Variants in RGS7 observed in about 807,000 individuals in gnomAD.
RGS7 encodes regulator of G protein signaling 7, also known as regulator of G-protein signaling 7.
In RGS7, 27 loss-of-function variants were observed where a neutral mutation model predicts 81.1. That is an observed-to-expected ratio of 0.33 (90% CI 0.25 to 0.46). The LOEUF (loss-of-function observed/expected upper bound fraction) is 0.46. RGS7 is among the 20% of genes least tolerant of loss of function. RGS7 has a pLI of 1.00. For missense variants in RGS7, 396 were observed against 607.4 expected, an observed-to-expected ratio of 0.65 and a Z score of 3.66; for synonymous variants, 208 against 207.7, an observed-to-expected ratio of 1.00 and a Z score of -0.01.
chr1:240,935,721 G>A (rs1034166644), intron 5 of RGS7, among the ~76,000 whole-genome samples: 2 of 152,096 alleles, frequency 1.3e-5, no homozygotes, highest in African/African-American at 2.4e-5. Context: ...CAAATTTTAG[G>A]TACTCTGATT....
At chr1:240,784,898 C>T (rs565548747) in intron 18 of RGS7, among the ~76,000 whole-genome samples, 1 of 152,142 alleles carries the variant, frequency 6.6e-6, no homozygotes, top group East Asian at 1.9e-4. Flanking sequence ...ACCAGATGCT[C>T]AACCCCACAG....
At chr1:240,866,247 C>G (rs903097990) in intron 9 of RGS7, among the ~76,000 whole-genome samples, 32 of 152,200 alleles carry the variant, frequency 2.1e-4, no homozygotes, top group African/African-American at 7.7e-4. Flanking sequence ...CGCGGTTGCT[C>G]ACGCCTGTAA....
chr1:240,790,465 T>C (rs576939931), intron 18 of RGS7, among the ~76,000 whole-genome samples: 1 of 152,240 alleles, frequency 6.6e-6, no homozygotes, highest in African/African-American at 2.4e-5. Context: ...CCAGCCAATG[T>C]AGAGATTTTA....
chr1:241,134,948 C>T lies in RGS7; in HGVS notation c.79-36186G>A, dbSNP rs1267757190. ...AGACACCTACCCCGGCCGGAAGACA[C>T]CTACCCTGGCCGGAAGACACCTACC... is the stretch of plus-strand genomic sequence containing the variant. On this transcript the variant is annotated intron_variant, in intron 2 of 18. Coordinates refer to ENST00000440928, the MANE Select transcript of RGS7 (RefSeq NM_001364886.1). 2.0e-5 allele frequency among the ~76,000 whole-genome samples: 3 copies of T among 150,472 alleles called. No homozygotes were observed. In the East Asian group the frequency reaches 6.6e-4, roughly 33 times the overall value.
chr1:240,778,756 T>C (rs893235691), intron 18 of RGS7, among the ~76,000 whole-genome samples: 1 of 152,194 alleles, frequency 6.6e-6, no homozygotes, highest in Admixed American at 6.5e-5. Flanking sequence ...ATGGTCTCGA[T>C]CTCTTGACCT....
At chr1:241,145,769 A>T (rs1433521065) in intron 2 of RGS7, among the ~76,000 whole-genome samples, 1 of 152,170 alleles carries the variant, frequency 6.6e-6, no homozygotes, top group Admixed American at 6.5e-5. Context: ...TAAATAAATT[A>T]AATAATAAAT....
chr1:240,934,256 A>G (rs538043466), intron 5 of RGS7, among the ~76,000 whole-genome samples: 24 of 152,300 alleles, frequency 1.6e-4, no homozygotes, highest in African/African-American at 5.5e-4. Context: ...CACTGCGCCC[A>G]GCCTAGATTC....
intron 4 of RGS7, among the ~76,000 whole-genome samples, chr1:240,963,100 C>T (rs932424043): frequency 5.3e-5 from 8 of 152,028 alleles, no homozygotes; most frequent in Admixed American, 3.9e-4. Flanking sequence ...AAAACAGTGG[C>T]AGTTCCTAGT....
chr1:240,863,234 G>T (rs1462538928), intron 9 of RGS7, among the ~76,000 whole-genome samples: 2 of 152,178 alleles, frequency 1.3e-5, no homozygotes, highest in Non-Finnish European at 2.9e-5. Context: ...AGCACTTTGG[G>T]AGGCTGAGGC....
chr1:241,236,038 T>C (rs991804620), intron 2 of RGS7, among the ~76,000 whole-genome samples: 1 of 152,086 alleles, frequency 6.6e-6, no homozygotes, highest in Non-Finnish European at 1.5e-5. Flanking sequence ...TGTTCACATG[T>C]TTTTAAAGTC....
intron 9 of RGS7, among the ~76,000 whole-genome samples, chr1:240,841,074 G>T (rs1657879605): frequency 1.3e-5 from 2 of 152,260 alleles, no homozygotes; most frequent in South Asian, 4.1e-4. Flanking sequence ...CAATTCTTCA[G>T]TTAGCCTTAA....
chr1:240,802,096 A>T (rs1254809335), intron 16 of RGS7, among the ~76,000 whole-genome samples: 1 of 152,188 alleles, frequency 6.6e-6, no homozygotes. Context: ...ACTACAAAGT[A>T]TCCATTTCTA....
chr1:241,308,599 G>A (rs1357368410), intron 2 of RGS7, among the ~76,000 whole-genome samples: 3 of 152,192 alleles, frequency 2.0e-5, no homozygotes, highest in Non-Finnish European at 2.9e-5. Flanking sequence ...GCTGCTGAGT[G>A]TTCTTCGCAG....
intron 3 of RGS7, among the ~76,000 whole-genome samples, chr1:241,066,545 C>A (rs1018822235): frequency 6.6e-6 from 1 of 152,174 alleles, no homozygotes; most frequent in African/African-American, 2.4e-5. Context: ...CAATTAGCAA[C>A]ACTGTGTGCT....
At chr1:240,826,118 C>A (rs1692767861) in intron 10 of RGS7, among the ~76,000 whole-genome samples, 1 of 152,164 alleles carries the variant, frequency 6.6e-6, no homozygotes, top group South Asian at 2.1e-4. Flanking sequence ...GAGAGACAGA[C>A]CAGACAGGCT....
intron 6 of RGS7, among the ~76,000 whole-genome samples, chr1:240,925,836 G>T (rs139729811): frequency 6.6e-6 from 1 of 152,254 alleles, no homozygotes; most frequent in African/African-American, 2.4e-5. Flanking sequence ...GTGTGAGATC[G>T]TATATCATTG....
At chr1:241,121,735 T>TTTTTTAG (rs2066274745) in intron 2 of RGS7, among the ~76,000 whole-genome samples, 1 of 144,624 alleles carries the variant, frequency 6.9e-6, no homozygotes, top group Non-Finnish European at 1.5e-5. Flanking sequence ...TTTTTTTTTT[T>TTTTTTAG]GAGACAGGGT....
intron 18 of RGS7, among the ~76,000 whole-genome samples, chr1:240,799,287 T>G (rs28717022): frequency 0.027 from 3,831 of 142,288 alleles, 65 homozygotes; most frequent in East Asian, 0.1. Context: ...GTGTCTATGT[T>G]TGTGTGTGTG....
At chr1:240,946,013 G>T (rs968656048) in intron 4 of RGS7, among the ~76,000 whole-genome samples, 2 of 151,994 alleles carry the variant, frequency 1.3e-5, no homozygotes, top group African/African-American at 4.8e-5. Flanking sequence ...ACTAGATATG[G>T]GTAAATTTGT....
Sources: allele counts gnomAD v4.1 joint callset (sites outside exome capture counted in the v4.1 genomes callset), GRCh38; gene constraint gnomAD v4.1.1; transcripts MANE v1.5; gene names NCBI Gene and HGNC (gene_info 2026-07-23, HGNC 2026-07-21).